TBC1D19: variants seen among roughly 807,000 people sequenced by gnomAD.
The protein encoded by TBC1D19 is TBC1 domain family, member 19.
Under a neutral mutation model 89.0 loss-of-function variants are expected in TBC1D19, and 60 were observed. The ratio of observed to expected loss-of-function variants is 0.67; its 90% CI spans 0.55 to 0.84. The LOEUF (loss-of-function observed/expected upper bound fraction) is 0.84. Ranked by LOEUF, TBC1D19 falls within the 40% of genes least tolerant of loss-of-function variation. The probability of loss-of-function intolerance (pLI) is 0.00; values close to 1 mark genes in which losing one functional copy is unlikely to be tolerated. For missense variants in TBC1D19, 500 were observed against 610.8 expected, an observed-to-expected ratio of 0.82 and a Z score of 1.91; for synonymous variants, 189 against 199.7, an observed-to-expected ratio of 0.95 and a Z score of 0.45.
At chr4:26,700,595 A>G (rs928576314) in intron 13 of TBC1D19, among the ~76,000 whole-genome samples, 2 of 152,206 alleles carry the variant, frequency 1.3e-5, no homozygotes, top group African/African-American at 2.4e-5. Context: ...ATTTTTCCAT[A>G]AAAGTATTGA....
the TBC1D19 span, among the ~76,000 whole-genome samples, chr4:26,842,583 C>CTTTCTTTCTTT: frequency 2.0e-4 from 14 of 70,608 alleles, no homozygotes; most frequent in Admixed American, 1.7e-3. Context: ...TTCCTCCCTC[C>CTTTCTTTCTTT]CTTTCTTTCT....
At chr4:26,835,167 C>T in the TBC1D19 span, among the ~76,000 whole-genome samples, 2 of 152,108 alleles carry the variant, frequency 1.3e-5, no homozygotes, top group South Asian at 2.1e-4. Context: ...CACCTGTGTC[C>T]TTATAAGAGG....
intron 10 of TBC1D19, 107 bp from the exon 11 acceptor site, chr4:26,673,669 G>T: frequency 1.3e-6 from 1 of 754,180 alleles, no homozygotes; most frequent in African/African-American, 1.8e-5. Flanking sequence ...AATTATGTTA[G>T]ATAGAAAGAC....
chr4:26,589,702 C>T (rs1427151608), intron 1 of TBC1D19, among the ~76,000 whole-genome samples: 1 of 152,096 alleles, frequency 6.6e-6, no homozygotes, highest in Non-Finnish European at 1.5e-5. Context: ...GGATCCTGGG[C>T]CCAAGAGAGT....
intron 7 of TBC1D19, among the ~76,000 whole-genome samples, chr4:26,643,604 C>CA (rs1215907525): frequency 4.6e-5 from 7 of 152,092 alleles, no homozygotes; most frequent in African/African-American, 1.2e-4. Context: ...GATAGAAACA[C>CA]AAAAAACCCT....
At chr4:26,792,522 G>A in the TBC1D19 span, among the ~76,000 whole-genome samples, 1 of 152,278 alleles carries the variant, frequency 6.6e-6, no homozygotes, top group Non-Finnish European at 1.5e-5. Flanking sequence ...GGCGAATATG[G>A]GGTCAGGAAA....
At chr4:26,716,261 T>G (rs549448123) in intron 13 of TBC1D19, among the ~76,000 whole-genome samples, 1 of 152,076 alleles carries the variant, frequency 6.6e-6, no homozygotes, top group African/African-American at 2.4e-5. Flanking sequence ...ATTAGTGAAC[T>G]GACTAAAAAA....
At chr4:26,829,667 T>A in the TBC1D19 span, among the ~76,000 whole-genome samples, 1 of 152,226 alleles carries the variant, frequency 6.6e-6, no homozygotes. Context: ...GTGTCTAGGC[T>A]AAGCAATGAA....
intron 8 of TBC1D19, among the ~76,000 whole-genome samples, chr4:26,661,774 C>A (rs1297840189): frequency 6.6e-6 from 1 of 152,154 alleles, no homozygotes; most frequent in Non-Finnish European, 1.5e-5. Context: ...TACTAGCATG[C>A]CATTAGCAGG....
intron 9 of TBC1D19, among the ~76,000 whole-genome samples, chr4:26,667,011 A>G (rs778488272): frequency 1.1e-4 from 17 of 151,896 alleles, no homozygotes; most frequent in Non-Finnish European, 2.1e-4. Context: ...TGTAACTTGC[A>G]CAAGTCACTA....
the TBC1D19 span, among the ~76,000 whole-genome samples, chr4:26,761,862 C>A: frequency 1.3e-5 from 2 of 152,092 alleles, no homozygotes; most frequent in Admixed American, 6.6e-5. Flanking sequence ...CACGGTGGCT[C>A]ACGCCTGTAA....
At chr4:26,839,591 C>CA in the TBC1D19 span, among the ~76,000 whole-genome samples, 319 of 148,408 alleles carry the variant, frequency 2.1e-3, no homozygotes, top group African/African-American at 5.2e-3. Context: ...CCCTTTCTGT[C>CA]AAAAAAAAAA....
chr4:26,725,442 T>G (rs1432253635), intron 15 of TBC1D19, among the ~76,000 whole-genome samples: 1 of 152,060 alleles, frequency 6.6e-6, no homozygotes, highest in African/African-American at 2.4e-5. Context: ...GACAAAGTCT[T>G]GCTCTGTCGT....
At chr4:26,596,509 A>G (rs539973952) in intron 1 of TBC1D19, among the ~76,000 whole-genome samples, 6 of 149,932 alleles carry the variant, frequency 4.0e-5, no homozygotes, top group South Asian at 2.1e-4. Flanking sequence ...TGTTTGAACA[A>G]TTTTGCTAGG....
the TBC1D19 span, among the ~76,000 whole-genome samples, chr4:26,838,518 A>G: frequency 6.6e-6 from 1 of 152,232 alleles, no homozygotes. Context: ...GTGTTCTTAC[A>G]TACTTGACAT....
intron 8 of TBC1D19, among the ~76,000 whole-genome samples, chr4:26,664,526 A>T (rs1711607939): frequency 6.6e-6 from 1 of 152,224 alleles, no homozygotes; most frequent in Non-Finnish European, 1.5e-5. Flanking sequence ...TTTCAATTAC[A>T]GAAGAGTGCC....
intron 11 of TBC1D19, among the ~76,000 whole-genome samples, chr4:26,680,072 C>T (rs531454277): frequency 6.6e-6 from 1 of 152,030 alleles, no homozygotes; most frequent in African/African-American, 2.4e-5. Flanking sequence ...AAGGGGCTTC[C>T]CCCTTTGCTG....
chr4:26,592,262 A>G lies in TBC1D19; in HGVS notation c.99+7970A>G, dbSNP rs186944928. Among the ~76,000 whole-genome samples, 687 of 152,356 alleles carry G rather than the reference A, an allele frequency of 4.5e-3. 4 individuals are homozygous for G. Among genetic ancestry groups the G allele is most frequent in the African/African-American group, 0.016 (656 of 41,588 alleles). ...CACATGATTATCTTAATAGATGCAG[A>G]AAAGGCCTTTGACAAAATTCAACAG... is the stretch of plus-strand genomic sequence containing the variant. On this transcript the variant is annotated intron_variant, in intron 1 of 20. Coordinates refer to ENST00000264866, the MANE Select transcript of TBC1D19 (RefSeq NM_018317.4).
chr4:26,680,468 C>T (rs765369531), intron 11 of TBC1D19, among the ~76,000 whole-genome samples: 1 of 152,092 alleles, frequency 6.6e-6, no homozygotes, highest in Non-Finnish European at 1.5e-5. Context: ...AAATCTTAAA[C>T]CTCATGTCTT....
Sources: allele counts gnomAD v4.1 joint callset (sites outside exome capture counted in the v4.1 genomes callset), GRCh38; gene constraint gnomAD v4.1.1; transcripts MANE v1.5; gene names NCBI Gene and HGNC (gene_info 2026-07-23, HGNC 2026-07-21).